The following FYB1 variants were observed in gnomAD, a reference collection of about 807,000 sequenced individuals.
The protein encoded by FYB1 is FYN-binding protein 1.
FYB1 carries 41 observed loss-of-function variants against 94.1 expected under a neutral mutation model. That is an observed-to-expected ratio of 0.44 (90% CI 0.34 to 0.57). The LOEUF (loss-of-function observed/expected upper bound fraction) is 0.57, where lower values mean the gene tolerates loss of function less well. Among genes scored for constraint, FYB1 ranks in the 20% least tolerant of loss-of-function variants. The pLI is 0.02. For missense variants in FYB1, 1,050 were observed against 976.8 expected (o/e 1.07, Z -1.00); for synonymous variants, 367 against 353.2 (o/e 1.04, Z -0.44).
chr5:39,124,441 C>T (rs1740435191), intron 12 of FYB1, 163 bp from the exon 13 acceptor site: 1 of 495,006 alleles, frequency 2.0e-6, no homozygotes, highest in South Asian at 3.9e-5. Context: ...CCACTAAGTC[C>T]ATTTCTGTTT....
chr5:39,222,938 C>G (rs1250612583), upstream of FYB1, among the ~76,000 whole-genome samples: 1 of 151,904 alleles, frequency 6.6e-6, no homozygotes, highest in Admixed American at 6.6e-5. Context: ...AGAGGAACAA[C>G]AAACACTGAG....
intron 2 of FYB1, chr5:39,169,093 G>A (rs1745009323): frequency 8.1e-6 from 5 of 620,906 alleles, no homozygotes; most frequent in Non-Finnish European, 1.5e-5. Context: ...AAAGTTAAAA[G>A]CTTGTAGTGA....
chr5:39,123,914 T>C (rs10073524), intron 13 of FYB1, among the ~76,000 whole-genome samples: 9,796 of 152,204 alleles, frequency 0.064, 1,068 homozygotes, highest in African/African-American at 0.22. Flanking sequence ...GGAATGTTTT[T>C]AGATATCCTT....
chr5:39,242,835 A>C (rs984884390), intron 1 of FYB1, among the ~76,000 whole-genome samples: 14 of 152,156 alleles, frequency 9.2e-5, no homozygotes, highest in African/African-American at 3.1e-4. Flanking sequence ...CGCCATCCTA[A>C]CTGGAGTGAG....
At chr5:39,151,681 A>C (rs1743263916) in intron 3 of FYB1, among the ~76,000 whole-genome samples, 1 of 152,188 alleles carries the variant, frequency 6.6e-6, no homozygotes, top group African/African-American at 2.4e-5. Context: ...CCTATTACAA[A>C]AGCACAATGT....
At chr5:39,158,382 T>A (rs1743946818) in intron 2 of FYB1, among the ~76,000 whole-genome samples, 1 of 152,168 alleles carries the variant, frequency 6.6e-6, no homozygotes, top group African/African-American at 2.4e-5. Flanking sequence ...TGAAGAATTG[T>A]TCCAGGTTCA....
intron 2 of FYB1, among the ~76,000 whole-genome samples, chr5:39,185,689 C>G (rs1407351893): frequency 1.3e-5 from 2 of 150,574 alleles, no homozygotes; most frequent in African/African-American, 4.9e-5. Flanking sequence ...AAAGCAAACC[C>G]ACAGTGTGTT....
intron 2 of FYB1, among the ~76,000 whole-genome samples, chr5:39,165,051 T>A (rs1356753622): frequency 6.6e-6 from 1 of 152,160 alleles, no homozygotes; most frequent in African/African-American, 2.4e-5. Flanking sequence ...TATACAGACA[T>A]GTGACAAGAG....
intron 15 of FYB1, 78 bp downstream of exon 15, chr5:39,119,455 AGT>A: frequency 9.9e-7 from 1 of 1,013,538 alleles, no homozygotes. Flanking sequence ...ATTTTTCAAT[AGT>A]GTTTTTTTTG....
At chr5:39,144,409 G>C (rs1290092019) in intron 3 of FYB1, among the ~76,000 whole-genome samples, 1 of 152,172 alleles carries the variant, frequency 6.6e-6, no homozygotes, top group Non-Finnish European at 1.5e-5. Context: ...GCAAAATCTA[G>C]ATGATGGGGA....
intron 1 of FYB1, among the ~76,000 whole-genome samples, chr5:39,235,373 T>C (rs953346526): frequency 6.6e-6 from 1 of 151,542 alleles, no homozygotes; most frequent in Non-Finnish European, 1.5e-5. Flanking sequence ...TAGAAAGGGG[T>C]CAGAGCACAA....
At chr5:39,109,213 TC>T (rs1323583391) in intron 17 of FYB1, among the ~76,000 whole-genome samples, 1 of 152,032 alleles carries the variant, frequency 6.6e-6, no homozygotes, top group Non-Finnish European at 1.5e-5. Flanking sequence ...GTTCCCTATG[TC>T]TTCTGTTTGG....
intron 1 of FYB1, among the ~76,000 whole-genome samples, chr5:39,239,159 C>A (rs1751097601): frequency 6.6e-6 from 1 of 152,104 alleles, no homozygotes; most frequent in Admixed American, 6.6e-5. Context: ...AAGGAACATA[C>A]TTCAAAATAA....
At chr5:39,265,993 T>TA (rs1284022434) in intron 1 of FYB1, among the ~76,000 whole-genome samples, 2 of 151,254 alleles carry the variant, frequency 1.3e-5, no homozygotes, top group Admixed American at 6.6e-5. Flanking sequence ...TTTTTTTTTT[T>TA]ACTGACCTAA....
At chr5:39,232,164 C>G (rs1750772010) in intron 1 of FYB1, among the ~76,000 whole-genome samples, 1 of 152,120 alleles carries the variant, frequency 6.6e-6, no homozygotes. Flanking sequence ...AACATGCACA[C>G]ACACTACACA....
At position 39,202,205 on chromosome 5, in the gene FYB1, C is replaced by G. The variant is rs1309656116; in HGVS notation, c.756G>C (p.Gly252=). Residue 252 remains glycine (G), a synonymous_variant, in exon 2 of 19, where the codon GGG becomes GGC. Coordinates refer to ENST00000512982, the MANE Select transcript of FYB1 (RefSeq NM_001465.6). The part of the protein sequence containing the change: ...REDSENKDHA[G]EISSLPFPGV... ...CAGGAAAGGGCAAACTTGAAATCTC[C>G]CCTGCATGGTCTTTATTTTCTGAGT... 3 of 1,613,878 alleles carry G rather than the reference C, an allele frequency of 1.9e-6. No individual in the cohort carries two copies. The highest frequency in any genetic ancestry group is 2.5e-6 in the Non-Finnish European group (3 of 1,179,904).
intron 2 of FYB1, among the ~76,000 whole-genome samples, chr5:39,198,494 G>C (rs1227292848): frequency 6.6e-6 from 1 of 152,094 alleles, no homozygotes; most frequent in Admixed American, 6.5e-5. Flanking sequence ...GTACATATTA[G>C]TAATAATATG....
chr5:39,168,265 T>C (rs1395188082), intron 2 of FYB1, among the ~76,000 whole-genome samples: 2 of 152,222 alleles, frequency 1.3e-5, no homozygotes, highest in African/African-American at 4.8e-5. Flanking sequence ...GTATTATAAC[T>C]CAGTTTTCCC....
At chr5:39,236,934 C>G (rs1307994079) in intron 1 of FYB1, among the ~76,000 whole-genome samples, 1 of 152,130 alleles carries the variant, frequency 6.6e-6, no homozygotes, top group Non-Finnish European at 1.5e-5. Flanking sequence ...TACAAGACTA[C>G]TCAAGTAGTT....
Sources: gnomAD v4.1 joint callset for allele counts (sites outside exome capture counted in the v4.1 genomes callset) on GRCh38, gnomAD v4.1.1 for gene constraint, MANE v1.5 for transcripts, NCBI Gene and HGNC (gene_info 2026-07-23, HGNC 2026-07-21) for gene names.